The following ADAMTSL3 variants were observed in gnomAD, a reference collection of about 807,000 sequenced individuals.
ADAMTSL3 encodes ADAMTS-like protein 3.
A neutral mutation model predicts 201.7 loss-of-function variants in ADAMTSL3; 128 were observed. The ratio of observed to expected loss-of-function variants is 0.63; its 90% CI spans 0.55 to 0.73. The LOEUF is 0.73. ADAMTSL3 is among the 30% of genes least tolerant of loss of function. The pLI is 0.00. For missense variants in ADAMTSL3, 1,990 were observed against 2,119.6 expected, an observed-to-expected ratio of 0.94 and a Z score of 1.20; for synonymous variants, 738 against 748.4, an observed-to-expected ratio of 0.99 and a Z score of 0.23.
chr15:84,033,496 C>T (rs1354396798), intron 28 of ADAMTSL3, among the ~76,000 whole-genome samples: 1 of 151,960 alleles, frequency 6.6e-6, no homozygotes, highest in East Asian at 1.9e-4. Flanking sequence ...CCTGTCTCTA[C>T]TAAAAATACA....
chr15:83,804,683 A>G lies in ADAMTSL3; in HGVS notation c.351A>G (p.Thr117=), dbSNP rs751898856. The change falls in exon 5 of 30, where the codon ACA becomes ACG. Residue 117 remains threonine (T), a synonymous_variant. Coordinates refer to ENST00000286744, the MANE Select transcript of ADAMTSL3 (RefSeq NM_207517.3). The part of the protein sequence containing the change: ...NCEGQNIRYK[T]CSNHDCPPDA... Reference sequence around the variant, plus strand: ...AAGGGCAGAACATTCGGTACAAGACATGCAGCAATCATGTAAGTCATAAAA... The same window carrying G: ...AAGGGCAGAACATTCGGTACAAGACGTGCAGCAATCATGTAAGTCATAAAA... 28 of 1,584,650 alleles carry G rather than the reference A, an allele frequency of 1.8e-5. No individual in the cohort carries two copies. Among genetic ancestry groups the G allele is most frequent in the Non-Finnish European group, 2.4e-5 (28 of 1,167,784 alleles).
intron 9 of ADAMTSL3, among the ~76,000 whole-genome samples, chr15:83,883,823 C>G (rs1478939545): frequency 6.6e-6 from 1 of 152,100 alleles, no homozygotes; most frequent in Non-Finnish European, 1.5e-5. Context: ...GCCTTGAACT[C>G]CCAAAGTGCT....
intron 2 of ADAMTSL3, among the ~76,000 whole-genome samples, chr15:83,696,361 T>C (rs1237887381): frequency 1.3e-5 from 2 of 152,196 alleles, no homozygotes. Flanking sequence ...ATTACAGGCA[T>C]GAGTCACCAC....
intron 10 of ADAMTSL3, among the ~76,000 whole-genome samples, chr15:83,888,139 A>G (rs2065433169): frequency 6.6e-6 from 1 of 152,204 alleles, no homozygotes; most frequent in African/African-American, 2.4e-5. Flanking sequence ...TAGCAGTGAG[A>G]TCGTCTCCAA....
intron 3 of ADAMTSL3, among the ~76,000 whole-genome samples, chr15:83,758,398 T>G (rs1019236501): frequency 3.9e-5 from 6 of 152,204 alleles, no homozygotes; most frequent in Non-Finnish European, 8.8e-5. Context: ...TTCACTGTCA[T>G]GAGAACAGCC....
chr15:84,036,020 G>A (rs976543907), intron 28 of ADAMTSL3, among the ~76,000 whole-genome samples: 2 of 152,126 alleles, frequency 1.3e-5, no homozygotes, highest in African/African-American at 4.8e-5. Context: ...ACCAGCTCAA[G>A]TTAGGGCCCT....
At chr15:83,941,072 T>A (rs919233262) in intron 17 of ADAMTSL3, among the ~76,000 whole-genome samples, 4 of 151,888 alleles carry the variant, frequency 2.6e-5, no homozygotes, top group South Asian at 2.1e-4. Flanking sequence ...ATATTTTAAA[T>A]TTTTTAATTT....
chr15:83,735,610 T>A (rs1247769584), intron 3 of ADAMTSL3, among the ~76,000 whole-genome samples: 3 of 152,100 alleles, frequency 2.0e-5, no homozygotes, highest in Non-Finnish European at 4.4e-5. Flanking sequence ...TGATTTTTAA[T>A]ACACTAAAGC....
chr15:83,908,179 A>G (rs2065874332), intron 15 of ADAMTSL3, among the ~76,000 whole-genome samples: 1 of 152,224 alleles, frequency 6.6e-6, no homozygotes, highest in African/African-American at 2.4e-5. Flanking sequence ...GATGATGTTT[A>G]AGTGCTTCTG....
At chr15:83,772,497 A>G (rs538026985) in intron 3 of ADAMTSL3, among the ~76,000 whole-genome samples, 1 of 152,314 alleles carries the variant, frequency 6.6e-6, no homozygotes, top group East Asian at 1.9e-4. Flanking sequence ...TAGGAGACCA[A>G]TTAAACCAAA....
At chr15:83,658,561 T>TC (rs1362034838) in intron 2 of ADAMTSL3, among the ~76,000 whole-genome samples, 1 of 152,204 alleles carries the variant, frequency 6.6e-6, no homozygotes, top group Non-Finnish European at 1.5e-5. Flanking sequence ...AGCTCACTGT[T>TC]CCCCTCATCC....
intron 6 of ADAMTSL3, among the ~76,000 whole-genome samples, chr15:83,822,135 C>T (rs1412470497): frequency 6.0e-5 from 9 of 149,940 alleles, no homozygotes; most frequent in African/African-American, 9.8e-5. Flanking sequence ...GGCTGACCCC[C>T]CCACCTCCCT....
chr15:83,911,474 C>T (rs769366354), intron 15 of ADAMTSL3, among the ~76,000 whole-genome samples: 1 of 152,142 alleles, frequency 6.6e-6, no homozygotes, highest in Non-Finnish European at 1.5e-5. Context: ...TCGTCTTTAA[C>T]CAGTCTCCTT....
At chr15:83,795,422 A>T (rs1237142450) in intron 4 of ADAMTSL3, among the ~76,000 whole-genome samples, 2 of 152,196 alleles carry the variant, frequency 1.3e-5, no homozygotes, top group Non-Finnish European at 2.9e-5. Context: ...GGATTTGATC[A>T]TCTCAAAAAC....
intron 2 of ADAMTSL3, among the ~76,000 whole-genome samples, chr15:83,703,303 A>G (rs2061801133): frequency 6.6e-6 from 1 of 152,134 alleles, no homozygotes. Flanking sequence ...TTTTTGGTTA[A>G]TGCTGAAATT....
intron 3 of ADAMTSL3, among the ~76,000 whole-genome samples, chr15:83,726,819 T>A (rs541056986): frequency 5.1e-4 from 77 of 152,176 alleles, no homozygotes; most frequent in African/African-American, 1.8e-3. Flanking sequence ...GATTTTTGCA[T>A]CAGTGTTAAT....
chr15:83,997,503 C>T (rs886257648), intron 23 of ADAMTSL3, among the ~76,000 whole-genome samples: 1 of 152,088 alleles, frequency 6.6e-6, no homozygotes, highest in African/African-American at 2.4e-5. Flanking sequence ...GCAGGAGAAT[C>T]GCTTGAACCT....
Position 83,940,235 on chromosome 15 carries a change from T to C in ADAMTSL3, c.2118-2361T>C, listed in dbSNP as rs141926928. Among the ~76,000 whole-genome samples the C allele has an allele frequency of 1.4e-3, 219 of 152,300 alleles. 2 individuals are homozygous for C. The highest frequency in any genetic ancestry group is 5.0e-3 in the African/African-American group (207 of 41,562). ...GCAATTTAGAAGATTACAGCGTACT[T>C]TCTAAGTATTTGGGCTTTATCTAAT... On this transcript the variant is annotated intron_variant, in intron 17 of 29. Coordinates refer to ENST00000286744, the MANE Select transcript of ADAMTSL3 (RefSeq NM_207517.3).
At chr15:83,923,675 G>A (rs970743092) in intron 16 of ADAMTSL3, among the ~76,000 whole-genome samples, 8 of 152,086 alleles carry the variant, frequency 5.3e-5, no homozygotes, top group African/African-American at 1.9e-4. Flanking sequence ...TGGGAGAGAG[G>A]GAGTAAAGGG....
Sources: gnomAD v4.1 joint callset for allele counts (sites outside exome capture counted in the v4.1 genomes callset) on GRCh38, gnomAD v4.1.1 for gene constraint, MANE v1.5 for transcripts, NCBI Gene and HGNC (gene_info 2026-07-23, HGNC 2026-07-21) for gene names.